The following NALCN variants were observed in gnomAD, a reference collection of about 807,000 sequenced individuals.
NALCN encodes the protein sodium leak channel, non-selective.
Under a neutral mutation model 225.3 loss-of-function variants are expected in NALCN, and 111 were observed. The observed-to-expected ratio is 0.49, with a 90% CI of 0.42 to 0.58. The LOEUF (loss-of-function observed/expected upper bound fraction) is 0.58. NALCN is among the 20% of genes least tolerant of loss of function. NALCN has a pLI of 0.00. For synonymous variants in NALCN, 764 were observed against 769.0 expected (o/e 0.99, Z 0.11); for missense variants, 1,378 against 2,202.4 (o/e 0.63, Z 7.49).
intron 3 of NALCN, among the ~76,000 whole-genome samples, chr13:101,391,856 C>T (rs1045136176): frequency 2.0e-5 from 3 of 150,282 alleles, no homozygotes; most frequent in African/African-American, 5.0e-5. Flanking sequence ...TGGTGGCACA[C>T]GCTTGTAGTC....
intron 6 of NALCN, among the ~76,000 whole-genome samples, chr13:101,352,872 G>T (rs1360651875): frequency 6.6e-6 from 1 of 152,058 alleles, no homozygotes; most frequent in Non-Finnish European, 1.5e-5. Context: ...TTACTTCTTG[G>T]TATCGAAATT....
chr13:101,058,881 C>T (rs1403479723), intron 42 of NALCN: 1 of 152,080 alleles, frequency 6.6e-6, no homozygotes, highest in Non-Finnish European at 1.5e-5. Context: ...TTGACTAACT[C>T]CGCAGAAGTC....
chr13:101,279,059 A>G (rs1486793104), intron 10 of NALCN, among the ~76,000 whole-genome samples: 1 of 152,188 alleles, frequency 6.6e-6, no homozygotes, highest in Non-Finnish European at 1.5e-5. Flanking sequence ...AGTGACCATG[A>G]CTGGTATGGT....
intron 6 of NALCN, among the ~76,000 whole-genome samples, chr13:101,363,851 A>G (rs1308827372): frequency 6.6e-6 from 1 of 152,160 alleles, no homozygotes; most frequent in Non-Finnish European, 1.5e-5. Context: ...AGGATTAATA[A>G]CCAGAATATA....
At chr13:101,094,623 C>G (rs1209283406) in intron 28 of NALCN, among the ~76,000 whole-genome samples, 4 of 152,042 alleles carry the variant, frequency 2.6e-5, no homozygotes, top group Non-Finnish European at 4.4e-5. Context: ...TCCTCTCTCT[C>G]CAAGCTGAAG....
chr13:101,105,847 C>A (rs588253), intron 22 of NALCN, among the ~76,000 whole-genome samples: 6 of 152,118 alleles, frequency 3.9e-5, no homozygotes, highest in African/African-American at 1.4e-4. Flanking sequence ...AACTTCTGCA[C>A]GCTTAAATGT....
At chr13:101,147,638 A>C (rs1206983876) in intron 15 of NALCN, among the ~76,000 whole-genome samples, 4 of 152,180 alleles carry the variant, frequency 2.6e-5, no homozygotes, top group Non-Finnish European at 4.4e-5. Flanking sequence ...TCCTGGGCTC[A>C]AGGGATCCTC....
intron 13 of NALCN, among the ~76,000 whole-genome samples, chr13:101,211,175 CTTTCA>C (rs949199295): frequency 1.3e-5 from 2 of 152,056 alleles, no homozygotes; most frequent in African/African-American, 4.8e-5. Flanking sequence ...TCATTAATGA[CTTTCA>C]TTTATTTTTA....
intron 9 of NALCN, 106 bp downstream of exon 9, chr13:101,291,884 A>T: frequency 9.1e-7 from 1 of 1,102,628 alleles, no homozygotes; most frequent in Non-Finnish European, 1.4e-6. Context: ...CCTGAGTCAG[A>T]CTATAGAAGC....
At chr13:101,199,410 C>G (rs1490901107) in intron 13 of NALCN, among the ~76,000 whole-genome samples, 2 of 151,628 alleles carry the variant, frequency 1.3e-5, no homozygotes, top group Non-Finnish European at 2.9e-5. Flanking sequence ...AAATGTCCAA[C>G]AATTATAGAC....
At chr13:101,415,409 T>G (rs2047914497) in intron 1 of NALCN, among the ~76,000 whole-genome samples, 2 of 152,112 alleles carry the variant, frequency 1.3e-5, no homozygotes, top group East Asian at 3.9e-4. Context: ...GGCCTGAAAG[T>G]GAGCGTGTAT....
intron 42 of NALCN, chr13:101,059,033 C>T (rs2031607041): frequency 6.6e-6 from 1 of 152,354 alleles, no homozygotes; most frequent in Non-Finnish European, 1.5e-5. Flanking sequence ...GTACTCTGGC[C>T]CCTGGCTGCG....
At chr13:101,294,635 C>G (rs1393447032) in intron 7 of NALCN, among the ~76,000 whole-genome samples, 2 of 147,790 alleles carry the variant, frequency 1.4e-5, no homozygotes, top group African/African-American at 5.0e-5. Context: ...GTGATGCCGC[C>G]AACGTACTGG....
intron 14 of NALCN, among the ~76,000 whole-genome samples, chr13:101,191,560 G>A (rs887119117): frequency 6.6e-6 from 1 of 152,156 alleles, no homozygotes; most frequent in Non-Finnish European, 1.5e-5. Flanking sequence ...ACTGAAGACA[G>A]TGTCTCTACA....
intron 13 of NALCN, among the ~76,000 whole-genome samples, chr13:101,227,157 C>T (rs7323883): frequency 0.3 from 44,887 of 151,932 alleles, 7,367 homozygotes; most frequent in Non-Finnish European, 0.37. Flanking sequence ...AGGATCACCT[C>T]GACACCTGTC....
chr13:101,412,423 T>C (rs1377502096), intron 1 of NALCN, among the ~76,000 whole-genome samples: 2 of 152,172 alleles, frequency 1.3e-5, no homozygotes, highest in African/African-American at 2.4e-5. Context: ...TCTATCCTAC[T>C]TCTAATTCTT....
Position 101,376,797 on chromosome 13 carries a change from T to C in NALCN, c.547A>G (p.Ile183Val). The change falls in exon 6 of 44, where the codon ATT becomes GTT. Residue 183 changes from isoleucine (I) to valine (V), a missense_variant. Coordinates refer to ENST00000251127, the MANE Select transcript of NALCN (RefSeq NM_052867.4). Reference protein sequence around the residue: ...RSGEQIWSVSIFLLFFLLLYG... With the variant: ...RSGEQIWSVSVFLLFFLLLYG... ...AGAAGTAGAAAGAAAAGTAGAAAAA[T>C]GGAAACACTCCATATTTGTTCTCCC... The C allele has an allele frequency of 1.9e-6, 3 of 1,613,470 alleles. No individual in the cohort carries two copies. Among genetic ancestry groups the C allele is most frequent in the Non-Finnish European group, 1.7e-6 (2 of 1,179,878 alleles).
chr13:101,371,272 T>G (rs61973701), intron 6 of NALCN, among the ~76,000 whole-genome samples: 30,055 of 152,024 alleles, frequency 0.2, 3,169 homozygotes, highest in Non-Finnish European at 0.24. Context: ...ATACCTGGAG[T>G]GGAATAAATG....
At chr13:101,213,491 AC>A (rs2040604722) in intron 13 of NALCN, among the ~76,000 whole-genome samples, 1 of 152,180 alleles carries the variant, frequency 6.6e-6, no homozygotes, top group Non-Finnish European at 1.5e-5. Flanking sequence ...AAAAGAAACT[AC>A]CATCAGAGTG....
Sources: allele counts gnomAD v4.1 joint callset (sites outside exome capture counted in the v4.1 genomes callset), GRCh38; gene constraint gnomAD v4.1.1; transcripts MANE v1.5; gene names NCBI Gene and HGNC (gene_info 2026-07-23, HGNC 2026-07-21).